Variants in MYO5A observed in about 807,000 individuals in gnomAD.
MYO5A encodes the protein myosin VA.
A neutral mutation model predicts 249.7 loss-of-function variants in MYO5A; 98 were observed. The ratio of observed to expected loss-of-function variants is 0.39; its 90% CI spans 0.33 to 0.46. MYO5A has a LOEUF of 0.46. MYO5A is among the 20% of genes least tolerant of loss of function. The pLI is 0.98. For synonymous variants in MYO5A, 778 were observed against 810.6 expected (o/e 0.96, Z 0.68); for missense variants, 1,696 against 2,308.8 (o/e 0.73, Z 5.44).
At chr15:52,369,284 T>C (rs1440537463) in intron 22 of MYO5A, among the ~76,000 whole-genome samples, 2 of 152,224 alleles carry the variant, frequency 1.3e-5, no homozygotes, top group African/African-American at 4.8e-5. Flanking sequence ...ATCAGGATTC[T>C]TGCCAGCAGT....
intron 1 of MYO5A, among the ~76,000 whole-genome samples, chr15:52,453,910 G>C (rs2076069122): frequency 6.6e-6 from 1 of 151,964 alleles, no homozygotes; most frequent in Non-Finnish European, 1.5e-5. Context: ...TACTACTAGA[G>C]AAAACTACTT....
intron 4 of MYO5A, among the ~76,000 whole-genome samples, chr15:52,423,335 G>A (rs28680872): frequency 0.15 from 22,415 of 152,008 alleles, 1,780 homozygotes; most frequent in Middle Eastern, 0.22. Flanking sequence ...GGCGGATCAC[G>A]AGGTCAGGAG....
intron 29 of MYO5A, among the ~76,000 whole-genome samples, chr15:52,347,108 A>G (rs999483076): frequency 1.3e-5 from 2 of 152,110 alleles, no homozygotes; most frequent in African/African-American, 4.8e-5. Flanking sequence ...TATTTTATAT[A>G]AGAATAACTT....
At chr15:52,336,754 G>A (rs980621896) in intron 33 of MYO5A, among the ~76,000 whole-genome samples, 198 bp from the exon 34 acceptor site, 6 of 152,178 alleles carry the variant, frequency 3.9e-5, no homozygotes, top group Non-Finnish European at 5.9e-5. Context: ...AATATACAAC[G>A]CAGTAAACTC....
At chr15:52,397,605 T>C in intron 9 of MYO5A, 139 bp from the exon 10 acceptor site, 9 of 1,012,658 alleles carry the variant, frequency 8.9e-6, no homozygotes, top group South Asian at 1.4e-5. Flanking sequence ...CAAAGTTGAT[T>C]AGTGATAATA....
rs2042535838 is a variant in MYO5A at position 52,397,386 on chromosome 15, C to A, written c.1134G>T (p.Arg378=). 1 of 1,613,966 alleles carries A rather than the reference C, an allele frequency of 6.2e-7. No homozygotes were observed. The highest frequency in any genetic ancestry group is 2.2e-5 in the East Asian group (1 of 44,878). The change falls in exon 10 of 42, where the codon CGG becomes CGT. Residue 378 remains arginine (R), a synonymous_variant. Coordinates refer to ENST00000399233, the MANE Select transcript of MYO5A (RefSeq NM_001382347.1). ...ATGTCTCTGTGGCAGTAGCCAGTTT[C>A]CGATGGCAGAGCCAGTGACACATCT... The part of the protein sequence containing the change: ...YEEMCHWLCH[R]KLATATETYI...
At chr15:52,458,832 A>G (rs1224000834) in intron 1 of MYO5A, among the ~76,000 whole-genome samples, 1 of 152,136 alleles carries the variant, frequency 6.6e-6, no homozygotes, top group African/African-American at 2.4e-5. Flanking sequence ...TTCAAAAGGT[A>G]CCATTTTCAA....
intron 25 of MYO5A, among the ~76,000 whole-genome samples, chr15:52,354,994 T>A (rs576424148): frequency 4.5e-4 from 69 of 152,366 alleles, no homozygotes; most frequent in African/African-American, 1.7e-3. Flanking sequence ...GACTTTTAAA[T>A]GTATACCTAG....
chr15:52,519,848 G>A (rs1044251230), intron 1 of MYO5A, among the ~76,000 whole-genome samples: 18 of 151,292 alleles, frequency 1.2e-4, no homozygotes, highest in African/African-American at 3.6e-4. Flanking sequence ...CTCCTGCCTC[G>A]GCCTCCTGAG....
In MYO5A at chr15:52,370,380, T is replaced by C. The variant is rs367831952; in HGVS notation, c.2855A>G (p.Asn952Ser). ...CTCAGAGTTGTATATTCCTTCCAGATTGGTTAGTTTCTCCACAAGGCATTT... is the reference window on the plus strand; with the variant it reads ...CTCAGAGTTGTATATTCCTTCCAGACTGGTTAGTTTCTCCACAAGGCATTT... ...DYKCLVEKLT[N>S]LEGIYNSETE... is the part of the protein sequence containing the mutation. The change falls in exon 22 of 42, where the codon AAT becomes AGT. Residue 952 changes from asparagine to serine, a missense_variant. By Grantham distance (46) the Asn-to-Ser change is conservative (BLOSUM62 1). This residue lies in a region of MYO5A where 412 missense variants were observed against 453.3 expected (regional missense o/e 0.91). Transcript: ENST00000399233. 28 of 1,613,888 alleles carry C rather than the reference T, an allele frequency of 1.7e-5. No individual in the cohort carries two copies. In the African/African-American group the frequency reaches 3.3e-4, roughly 19 times the overall value.
At chr15:52,420,369 G>T (rs1435724769) in intron 4 of MYO5A, among the ~76,000 whole-genome samples, 1 of 151,184 alleles carries the variant, frequency 6.6e-6, no homozygotes, top group African/African-American at 2.4e-5. Flanking sequence ...GATTTATGCA[G>T]TCATAATGGA....
At chr15:52,371,629 T>C (rs2041120696) in intron 21 of MYO5A, among the ~76,000 whole-genome samples, 1 of 152,122 alleles carries the variant, frequency 6.6e-6, no homozygotes, top group Non-Finnish European at 1.5e-5. Flanking sequence ...AGCTCATGCT[T>C]GTAATCCCAG....
chr15:52,476,741 A>G (rs1017779061), intron 1 of MYO5A, among the ~76,000 whole-genome samples: 2 of 152,192 alleles, frequency 1.3e-5, no homozygotes, highest in Admixed American at 6.5e-5. Flanking sequence ...TCTGGCTTGT[A>G]GAGTTTCTGC....
intron 1 of MYO5A, among the ~76,000 whole-genome samples, chr15:52,474,118 T>C (rs917501017): frequency 5.9e-5 from 9 of 152,196 alleles, no homozygotes; most frequent in African/African-American, 2.2e-4. Context: ...CCCTTGTAAG[T>C]TGGATTCCTA....
chr15:52,316,550 T>A (rs1347766235), intron 40 of MYO5A, among the ~76,000 whole-genome samples: 1 of 152,186 alleles, frequency 6.6e-6, no homozygotes, highest in African/African-American at 2.4e-5. Flanking sequence ...AAGGCAGGAA[T>A]TTTTCCTTAT....
chr15:52,513,078 G>T (rs1000418584), intron 1 of MYO5A, among the ~76,000 whole-genome samples: 2 of 151,666 alleles, frequency 1.3e-5, no homozygotes, highest in Non-Finnish European at 2.9e-5. Flanking sequence ...CCAGTGTTGT[G>T]AAAGATCAAG....
At position 52,372,265 on chromosome 15, in the gene MYO5A, A is replaced by C. The variant is rs1290539520; in HGVS notation, c.2676T>G (p.Leu892=). 1.9e-6 allele frequency: 3 copies of C among 1,611,938 alleles called. No homozygotes were observed. The highest frequency in any genetic ancestry group is 2.5e-6 in the Non-Finnish European group (3 of 1,180,024). Residue 892 remains leucine (L), a synonymous_variant, in exon 21 of 42, where the codon CTT becomes CTG. Transcript: ENST00000399233. ...CCATCATCCGCCTGAAGCAGCACTG[A>C]AGGTAGATGATGGCATGCATGCTCC... ...YKRSMHAIIY[L]QCCFRRMMAK...
chr15:52,359,949 A>G lies in MYO5A; in HGVS notation c.3423+19T>C. ...GCATGCTCATATCCTACTTTCAGTG[A>G]CAGATGTCTAAACTGTACCTCTGTC... On this transcript the variant is annotated intron_variant, in intron 25 of 41. Transcript: ENST00000399233. 3 of 1,538,878 alleles carry G rather than the reference A, an allele frequency of 1.9e-6. No homozygotes were observed. Among genetic ancestry groups the G allele is most frequent in the Non-Finnish European group, 2.7e-6 (3 of 1,114,296 alleles).
At chr15:52,494,026 C>T (rs1227346057) in intron 1 of MYO5A, among the ~76,000 whole-genome samples, 2 of 152,148 alleles carry the variant, frequency 1.3e-5, no homozygotes, top group Admixed American at 6.5e-5. Context: ...TGGCCCCTCG[C>T]TCCAACACCC....
Sources: allele counts gnomAD v4.1 joint callset (sites outside exome capture counted in the v4.1 genomes callset), GRCh38; gene constraint gnomAD v4.1.1; regional missense constraint gnomAD v4.1.1; transcripts MANE v1.5; gene names NCBI Gene and HGNC (gene_info 2026-07-23, HGNC 2026-07-21).